DSCAML1: variants seen among roughly 807,000 people sequenced by gnomAD.
DSCAML1 encodes cell adhesion molecule DSCAML1.
DSCAML1 carries 38 observed loss-of-function variants against 200.5 expected under a neutral mutation model. The observed-to-expected ratio is 0.19, with a 90% CI of 0.15 to 0.25. DSCAML1 has a LOEUF of 0.25. DSCAML1 is among the 10% of genes least tolerant of loss of function. The pLI, the probability that DSCAML1 is intolerant of heterozygous loss-of-function variation, is 1.00. For missense variants in DSCAML1, 2,223 were observed against 2,858.8 expected (o/e 0.78, Z 5.07); for synonymous variants, 1,215 against 1,165.0 (o/e 1.04, Z -0.87).
At chr11:117,620,065 C>T (rs2051894979) in intron 3 of DSCAML1, among the ~76,000 whole-genome samples, 1 of 152,180 alleles carries the variant, frequency 6.6e-6, no homozygotes, top group African/African-American at 2.4e-5. Flanking sequence ...GTGCTTGGTA[C>T]ACTGGAGACA....
At chr11:117,455,496 G>A (rs538450776) in intron 19 of DSCAML1, among the ~76,000 whole-genome samples, 1 of 152,220 alleles carries the variant, frequency 6.6e-6, no homozygotes, top group South Asian at 2.1e-4. Context: ...GGTATTCACA[G>A]GGGGAGGTTG....
chr11:117,428,528 G>A lies in DSCAML1; in HGVS notation c.5962C>T (p.Pro1988Ser). The change falls in exon 33 of 33, where the codon CCC (proline) becomes TCC (serine). Residue 1988 changes from proline (P) to serine (S), a missense_variant. Physicochemically the swap from Pro to Ser is moderately conservative, Grantham distance 74. Transcript: ENST00000651296. ...GGTGGCTCAGCAGGGGTGGGGCCGG[G>A]GGCTGGGGGGGCTGTGCCGGCTGGG... ...APPAGTAPPA[P>S]GPTPAEPPTA... 10 of 1,506,804 alleles carry A rather than the reference G, an allele frequency of 6.6e-6. No individual in the cohort carries two copies. The highest frequency in any genetic ancestry group is 9.0e-6 in the Non-Finnish European group (10 of 1,115,938). The allele number at this position is 1,506,804 out of a possible 1,614,324, so 93.3% of individuals were successfully genotyped here.
rs533041250 is a variant in DSCAML1 at position 117,736,944 on chromosome 11, G to C, written c.511+39847C>G. Among the ~76,000 whole-genome samples the C allele has an allele frequency of 2.6e-5, 4 of 152,228 alleles. No individual in the cohort carries two copies. The South Asian group carries it at 6.2e-4, about 24-fold the overall frequency. ...CTCCCAGTTTCTGCTCTGTGAAGTG[G>C]GGGTAATGAGACCTAGATTGCAGAG... On this transcript the variant is annotated intron_variant, in intron 3 of 32. Transcript: ENST00000651296.
At chr11:117,533,818 G>C (rs1367796383) in intron 3 of DSCAML1, among the ~76,000 whole-genome samples, 2 of 152,136 alleles carry the variant, frequency 1.3e-5, no homozygotes, top group East Asian at 3.9e-4. Context: ...GGGGGGCGGG[G>C]TTTGCACTAG....
chr11:117,686,669 A>G lies in DSCAML1; in HGVS notation c.511+90122T>C, dbSNP rs1040403838. Reference sequence around the variant, plus strand: ...AGAGTCCTTTCCGGTGGGCACCTGCATATAAAGGGAATCCAGAATTTTAAG... The same window carrying G: ...AGAGTCCTTTCCGGTGGGCACCTGCGTATAAAGGGAATCCAGAATTTTAAG... On this transcript the variant is annotated intron_variant, in intron 3 of 32. Coordinates refer to ENST00000651296, the MANE Select transcript of DSCAML1 (RefSeq NM_020693.4). Among the ~76,000 whole-genome samples, 16 of 152,304 alleles carry G rather than the reference A, an allele frequency of 1.1e-4. No individual in the cohort carries two copies. In the East Asian group the frequency reaches 2.1e-3, roughly 20 times the overall value.
intron 3 of DSCAML1, among the ~76,000 whole-genome samples, chr11:117,607,687 T>A (rs2051596749): frequency 6.6e-6 from 1 of 152,142 alleles, no homozygotes; most frequent in South Asian, 2.1e-4. Flanking sequence ...CCCCACACCT[T>A]ATCTGTGCTG....
At chr11:117,750,107 T>C (rs1348668076) in intron 3 of DSCAML1, among the ~76,000 whole-genome samples, 1 of 152,162 alleles carries the variant, frequency 6.6e-6, no homozygotes, top group East Asian at 1.9e-4. Context: ...TGGGTTGCAG[T>C]TCTCACTCGG....
chr11:117,655,604 C>G (rs2052717946), intron 3 of DSCAML1, among the ~76,000 whole-genome samples: 1 of 152,214 alleles, frequency 6.6e-6, no homozygotes, highest in Non-Finnish European at 1.5e-5. Context: ...TCCCCAGTGC[C>G]AGAAATCCCA....
intron 14 of DSCAML1, among the ~76,000 whole-genome samples, chr11:117,477,595 C>A (rs760642984): frequency 6.6e-6 from 1 of 152,038 alleles, no homozygotes; most frequent in Non-Finnish European, 1.5e-5. Context: ...AATTGCTGCA[C>A]GAGGTATTTG....
chr11:117,740,324 T>C (rs2054398650), intron 3 of DSCAML1, among the ~76,000 whole-genome samples: 2 of 152,194 alleles, frequency 1.3e-5, no homozygotes, highest in Admixed American at 1.3e-4. Flanking sequence ...TTGGTCTGAC[T>C]CTGACTTCAA....
chr11:117,567,951 G>A (rs1750254866), intron 3 of DSCAML1, among the ~76,000 whole-genome samples: 2 of 152,108 alleles, frequency 1.3e-5, no homozygotes, highest in Non-Finnish European at 2.9e-5. Context: ...TAGCCTTGAT[G>A]AACATTGATG....
chr11:117,600,655 G>C (rs998156738), intron 3 of DSCAML1, among the ~76,000 whole-genome samples: 1 of 152,252 alleles, frequency 6.6e-6, no homozygotes, highest in Non-Finnish European at 1.5e-5. Flanking sequence ...GGCCCATTCA[G>C]AGTGGAGTCA....
intron 3 of DSCAML1, among the ~76,000 whole-genome samples, chr11:117,774,318 A>G (rs2055091484): frequency 6.6e-6 from 1 of 152,116 alleles, no homozygotes; most frequent in African/African-American, 2.4e-5. Flanking sequence ...TGTGGGGAAC[A>G]CAGACACCAT....
intron 2 of DSCAML1, among the ~76,000 whole-genome samples, chr11:117,778,596 T>C (rs767037117): frequency 2.0e-5 from 3 of 152,264 alleles, no homozygotes; most frequent in Non-Finnish European, 4.4e-5. Flanking sequence ...CTTTTCATGA[T>C]AGCTGCACCT....
At chr11:117,680,162 C>T (rs1461033440) in intron 3 of DSCAML1, among the ~76,000 whole-genome samples, 1 of 152,246 alleles carries the variant, frequency 6.6e-6, no homozygotes, top group Non-Finnish European at 1.5e-5. Flanking sequence ...AGGTTCCTTT[C>T]TCTTGCTGTC....
At chr11:117,587,262 C>A (rs577823351) in intron 3 of DSCAML1, among the ~76,000 whole-genome samples, 1 of 150,674 alleles carries the variant, frequency 6.6e-6, no homozygotes, top group Non-Finnish European at 1.5e-5. Flanking sequence ...AACCCCCCCC[C>A]ACGATTTAGA....
At chr11:117,636,722 T>C (rs999932476) in intron 3 of DSCAML1, among the ~76,000 whole-genome samples, 6 of 152,214 alleles carry the variant, frequency 3.9e-5, no homozygotes, top group Admixed American at 6.5e-5. Flanking sequence ...TTACTAACTG[T>C]GTAACCCTAG....
intron 1 of DSCAML1, among the ~76,000 whole-genome samples, chr11:117,805,893 G>T (rs1290532711): frequency 6.6e-6 from 1 of 152,188 alleles, no homozygotes; most frequent in Non-Finnish European, 1.5e-5. Context: ...AGTGTGAAGG[G>T]ACCTGGGGAG....
chr11:117,650,861 TG>T (rs1459159156), intron 3 of DSCAML1, among the ~76,000 whole-genome samples: 9 of 152,126 alleles, frequency 5.9e-5, no homozygotes, highest in African/African-American at 2.2e-4. Context: ...AACCCTGTGG[TG>T]CCTGGGCCTG....
Sources: gnomAD v4.1 joint callset for allele counts (sites outside exome capture counted in the v4.1 genomes callset) on GRCh38, gnomAD v4.1.1 for gene constraint, MANE v1.5 for transcripts, NCBI Gene and HGNC (gene_info 2026-07-23, HGNC 2026-07-21) for gene names.